CCL5: variants seen among roughly 807,000 people sequenced by gnomAD.
The protein encoded by CCL5 is C-C motif chemokine ligand 5.
A neutral mutation model predicts 9.0 loss-of-function variants in CCL5; 5 were observed. The observed-to-expected ratio is 0.55, with a 90% CI of 0.29 to 1.16. CCL5 has a LOEUF of 1.16. Ranked by LOEUF, CCL5 falls within the 50% of genes most tolerant of loss-of-function variation. The pLI, the probability that CCL5 is intolerant of heterozygous loss-of-function variation, is 0.08. For synonymous variants in CCL5, 66 were observed against 72.0 expected, an observed-to-expected ratio of 0.92 and a Z score of 0.42; for missense variants, 183 against 183.2, an observed-to-expected ratio of 1.00 and a Z score of 0.01.
intron 2 of CCL5, among the ~76,000 whole-genome samples, chr17:35,877,637 GTAATT>G (rs2088457772): frequency 6.6e-6 from 1 of 152,198 alleles, no homozygotes; most frequent in Non-Finnish European, 1.5e-5. Flanking sequence ...AGAGCTAAGT[GTAATT>G]TAAAGATCAG....
Position 35,872,320 on chromosome 17 carries a change from C to G in CCL5, c.415G>C (p.Val139Leu), listed in dbSNP as rs1286358567. The change falls in exon 4 of 4, where the codon GTC becomes CTC. Residue 139 changes from valine to leucine, a missense_variant. Coordinates refer to ENST00000651122, the MANE Select transcript of CCL5 (RefSeq NM_001278736.2). Reference sequence around the variant, plus strand: ...TGAGGGGAAGCCTCCCAAGCTAGGACAAGAGCAAGCAGAAACAGGCAAATT... The same window carrying G: ...TGAGGGGAAGCCTCCCAAGCTAGGAGAAGAGCAAGCAGAAACAGGCAAATT... 6.2e-7 allele frequency: 1 copy of G among 1,607,430 alleles called. No homozygotes were observed. Among genetic ancestry groups the G allele is most frequent in the Non-Finnish European group, 8.5e-7 (1 of 1,175,314 alleles).
rs2088470700 is a variant in CCL5, at chr17:35,878,393, A to T, written c.188+135T>A. The T allele has an allele frequency of 8.0e-6, 5 of 628,534 alleles. No homozygotes were observed. The East Asian group carries it at 1.5e-4, about 19-fold the overall frequency. 38.9% of individuals were successfully genotyped at this position (628,534 alleles called of 1,614,324 possible). On this transcript the variant is annotated intron_variant, in intron 2 of 3. Transcript: ENST00000651122. The stretch of plus-strand genomic sequence containing the variant: ...TTGTCTAGTCTTTTTACATGATAGC[A>T]GGGGACTCTGAGGCTAGAGATGGAG...
Position 35,880,285 on chromosome 17 carries a change from G to T in CCL5, c.21C>A (p.Ala7=). 1 of 1,613,188 alleles carries T rather than the reference G, an allele frequency of 6.2e-7. No individual in the cohort carries two copies. Among genetic ancestry groups the T allele is most frequent in the Non-Finnish European group, 8.5e-7 (1 of 1,179,676 alleles). The change falls in exon 1 of 4, where the codon GCC becomes GCA. Residue 7 remains alanine, a synonymous_variant. Transcript: ENST00000651122. ...CAGTAGCAATGAGGATGACAGCGAG[G>T]GCTGCCGCGGAGACCTTCATGGTAC...
chr17:35,875,036 A>G (rs1477548461), intron 3 of CCL5, among the ~76,000 whole-genome samples: 1 of 138,470 alleles, frequency 7.2e-6, no homozygotes, highest in Admixed American at 7.0e-5. Flanking sequence ...TTACTATCAC[A>G]TTAAAAAAAA....
chr17:35,878,482 C>G (rs769462903), intron 2 of CCL5, 46 bp downstream of exon 2: 38 of 1,347,158 alleles, frequency 2.8e-5, no homozygotes, highest in Non-Finnish European at 3.8e-5. Flanking sequence ...TCAGAGGACT[C>G]CTCAGGGAAC....
At chr17:35,873,336 C>G (rs528149031) in intron 3 of CCL5, among the ~76,000 whole-genome samples, 1 of 152,030 alleles carries the variant, frequency 6.6e-6, no homozygotes, top group Non-Finnish European at 1.5e-5. Context: ...TATAGGCGCC[C>G]CCCACCACGC....
intron 2 of CCL5, among the ~76,000 whole-genome samples, chr17:35,877,736 T>A (rs1000709472): frequency 2.6e-5 from 4 of 152,222 alleles, no homozygotes; most frequent in Admixed American, 2.6e-4. Flanking sequence ...GCTTGCATAT[T>A]TAAAGGTGAA....
intron 3 of CCL5, among the ~76,000 whole-genome samples, chr17:35,874,981 TTA>T (rs1228390127): frequency 2.0e-5 from 3 of 152,216 alleles, no homozygotes; most frequent in African/African-American, 7.2e-5. Context: ...AACAAAGGAA[TTA>T]TATGTCTCAA....
chr17:35,880,324 T>G lies in CCL5; in HGVS notation c.-19A>C. On this transcript the variant is annotated 5_prime_UTR_variant, in exon 1 of 4. Coordinates refer to ENST00000651122, the MANE Select transcript of CCL5 (RefSeq NM_001278736.2). The stretch of plus-strand genomic sequence containing the variant: ...CCTTCATGGTACCTGTGGGAGAGGC[T>G]GTGCGAGGTCCACGTGCTGTCTTGA... 1 of 1,602,256 alleles carries G rather than the reference T, an allele frequency of 6.2e-7. No individual in the cohort carries two copies. The highest frequency in any genetic ancestry group is 1.7e-5 in the Admixed American group (1 of 58,940).
At position 35,872,429 on chromosome 17, in the gene CCL5, T is replaced by C; in HGVS notation, c.306A>G (p.Gln102=). The C allele has an allele frequency of 6.2e-7, 1 of 1,613,920 alleles. No homozygotes were observed. Among genetic ancestry groups the C allele is most frequent in the Non-Finnish European group, 8.5e-7 (1 of 1,179,986 alleles). Residue 102 remains glutamine (Q), a synonymous_variant, in exon 4 of 4, where the codon CAA becomes CAG. Transcript: ENST00000651122. ...CTCCCGAACCCATTTCTTCTCTGGG[T>C]TGGCACACACTTGGCGGTTCTTTCG...
At chr17:35,872,498 C>T (rs1397150625) in intron 3 of CCL5, 34 bp from the exon 3 acceptor site, 1 of 1,592,510 alleles carries the variant, frequency 6.3e-7, no homozygotes, top group East Asian at 2.2e-5. Flanking sequence ...GAGGATGAGA[C>T]CTTGTCAGTA....
At chr17:35,879,635 CAAAAAAAAAAAA>C (rs35764706) in intron 1 of CCL5, among the ~76,000 whole-genome samples, 1 of 48,670 alleles carries the variant, frequency 2.1e-5, no homozygotes, top group Non-Finnish European at 4.4e-5. Context: ...GACTCCATCT[CAAAAAAAAAAAA>C]AAAAAAAAAA....
chr17:35,878,358 T>C (rs2088470319), intron 2 of CCL5, among the ~76,000 whole-genome samples, 170 bp downstream of exon 2: 2 of 147,896 alleles, frequency 1.4e-5, no homozygotes, highest in Non-Finnish European at 3.0e-5. Flanking sequence ...CACGATTCTC[T>C]AAGGACAGCT....
In CCL5 at chr17:35,872,573, G is replaced by A; in HGVS notation, c.271-109C>T. On this transcript the variant is annotated intron_variant, in intron 3 of 3. Coordinates refer to ENST00000651122, the MANE Select transcript of CCL5 (RefSeq NM_001278736.2). The stretch of plus-strand genomic sequence containing the variant: ...TAAAGGGAAATTATGATGATATCGG[G>A]GTAGGGCATATTTGGAGCTCCATAA... The A allele has an allele frequency of 3.5e-6, 3 of 860,770 alleles. No homozygotes were observed. In the South Asian group the frequency reaches 4.3e-5, roughly 12 times the overall value. 53.3% of individuals were successfully genotyped at this position (860,770 alleles called of 1,614,324 possible). A position where few individuals can be genotyped will look rare whatever the true frequency, so the allele number is the denominator to read the frequency against.
At chr17:35,873,029 A>C (rs2088393299) in intron 3 of CCL5, among the ~76,000 whole-genome samples, 1 of 151,508 alleles carries the variant, frequency 6.6e-6, no homozygotes, top group African/African-American at 2.4e-5. Flanking sequence ...AGTTGAGACT[A>C]CTGGCGCCCG....
chr17:35,878,411 A>C (rs1449352990), intron 2 of CCL5, 117 bp downstream of exon 2: 1 of 690,464 alleles, frequency 1.4e-6, no homozygotes, highest in Non-Finnish European at 2.6e-6. Context: ...CTGAGGCTAG[A>C]GATGGAGGAG....
chr17:35,872,508 A>T, intron 3 of CCL5, 44 bp from the exon 3 acceptor site: 1 of 1,552,972 alleles, frequency 6.4e-7, no homozygotes, highest in Non-Finnish European at 8.9e-7. Flanking sequence ...CCTTGTCAGT[A>T]CCGGGACAGC....
Position 35,875,577 on chromosome 17 carries a change from C to A in CCL5, c.254G>T (p.Arg85Leu). 1 of 985,278 alleles carries A rather than the reference C, an allele frequency of 1.0e-6. No individual in the cohort carries two copies. Among genetic ancestry groups the A allele is most frequent in the Non-Finnish European group, 1.2e-6 (1 of 829,808 alleles). 61.0% of individuals were successfully genotyped at this position (985,278 alleles called of 1,614,324 possible). A position where few individuals can be genotyped will look rare whatever the true frequency, so the allele number is the denominator to read the frequency against. Reference sequence around the variant, plus strand: ...GACACAGACCTTGCCCTTGTTCAGCCGGGAGTCATACAGGAAATCCTGCCA... The same window carrying A: ...GACACAGACCTTGCCCTTGTTCAGCAGGGAGTCATACAGGAAATCCTGCCA... The change falls in exon 3 of 4, where the codon CGG becomes CTG. Residue 85 changes from arginine (R) to leucine (L), a missense_variant. Transcript: ENST00000651122.
In CCL5 at chr17:35,880,309, A is replaced by C. The variant is rs769532836; in HGVS notation, c.-4T>G. ...GGGCTGCCGCGGAGACCTTCATGGT[A>C]CCTGTGGGAGAGGCTGTGCGAGGTC... On this transcript the variant is annotated 5_prime_UTR_variant, in exon 1 of 4. Coordinates refer to ENST00000651122, the MANE Select transcript of CCL5 (RefSeq NM_001278736.2). The C allele has an allele frequency of 1.2e-6, 2 of 1,610,674 alleles. No individual in the cohort carries two copies. The highest frequency in any genetic ancestry group is 2.2e-5 in the South Asian group (2 of 90,212).
Sources: gnomAD v4.1 joint callset for allele counts (sites outside exome capture counted in the v4.1 genomes callset) on GRCh38, gnomAD v4.1.1 for gene constraint, MANE v1.5 for transcripts, NCBI Gene and HGNC (gene_info 2026-07-23, HGNC 2026-07-21) for gene names.